The following MCF2L variants were observed in gnomAD, a reference collection of about 807,000 sequenced individuals.
MCF2L encodes guanine nucleotide exchange factor DBS.
A neutral mutation model predicts 153.4 loss-of-function variants in MCF2L; 97 were observed. That is an observed-to-expected ratio of 0.63 (90% CI 0.54 to 0.75). The LOEUF (loss-of-function observed/expected upper bound fraction) is 0.75. Ranked by LOEUF, MCF2L falls within the 30% of genes least tolerant of loss-of-function variation. MCF2L has a pLI of 0.00. For synonymous variants in MCF2L, 659 were observed against 632.2 expected, an observed-to-expected ratio of 1.04 and a Z score of -0.64; for missense variants, 1,347 against 1,495.2, an observed-to-expected ratio of 0.90 and a Z score of 1.64.
chr13:113,037,980 A>T (rs756429428), intron 3 of MCF2L, among the ~76,000 whole-genome samples: 2 of 152,234 alleles, frequency 1.3e-5, no homozygotes, highest in African/African-American at 2.4e-5. Context: ...TAGCAAGATC[A>T]ATGGGCAGGG....
Position 113,075,996 on chromosome 13 carries a change from C to G in MCF2L, c.1339C>G (p.Leu447Val), listed in dbSNP as rs2033433790. 11 of 1,612,370 alleles carry G rather than the reference C, an allele frequency of 6.8e-6. No homozygotes were observed. Among genetic ancestry groups the G allele is most frequent in the Non-Finnish European group, 9.3e-6 (11 of 1,179,392 alleles). ...GAAGTGGTGTGATGAAGGGATTTAC[C>G]TGCTGGCCTCACAACCTGTGGACAA... ...SMKWCDEGIY[L>V]LASQPVDKCQ... The change falls in exon 12 of 30, where the codon CTG becomes GTG. Residue 447 changes from leucine (L) to valine (V), a missense_variant. By Grantham distance (32) the Leu-to-Val change is conservative (BLOSUM62 1). Coordinates refer to ENST00000535094, the MANE Select transcript of MCF2L (RefSeq NM_001112732.3).
chr13:112,965,542 C>G (rs562816660), upstream of MCF2L: 4 of 152,262 alleles, frequency 2.6e-5, no homozygotes, highest in Non-Finnish European at 5.9e-5. Flanking sequence ...AATTTCCTCA[C>G]AGTCCTTTTC....
chr13:113,061,798 T>TCCCCTCCCTCTCC (rs1389817555), intron 5 of MCF2L, among the ~76,000 whole-genome samples: 1 of 12,510 alleles, frequency 8.0e-5, no homozygotes, highest in Non-Finnish European at 1.5e-4. Flanking sequence ...CCCCTTCCCC[T>TCCCCTCCCTCTCC]CCCTTCCCTC....
At chr13:112,895,772 C>T (rs902392569) in intron 1 of MCF2L, among the ~76,000 whole-genome samples, 9 of 152,170 alleles carry the variant, frequency 5.9e-5, no homozygotes, top group Non-Finnish European at 1.2e-4. Context: ...CTTCCCCATC[C>T]TGTGGGGCCG....
chr13:113,086,017 G>GA, intron 20 of MCF2L, 107 bp from the exon 21 acceptor site: 1 of 1,220,656 alleles, frequency 8.2e-7, no homozygotes, highest in Non-Finnish European at 1.1e-6. Flanking sequence ...CAGACCAGGG[G>GA]AGGGTGAGCA....
Position 112,924,880 on chromosome 13 carries a change from A to G in MCF2L, c.169+22509A>G, listed in dbSNP as rs756860837. Among the ~76,000 whole-genome samples, 27 of 151,974 alleles carry G rather than the reference A, an allele frequency of 1.8e-4. 1 individual carries two copies. The highest frequency in any genetic ancestry group is 3.5e-4 in the Non-Finnish European group (24 of 67,962). ...ATGGTGTGGATCCTGGCATAAGAAC[A>G]AGGACAGGTGAATGGAACAGAATAA... On this transcript the variant is annotated intron_variant, in intron 2 of 29. Coordinates refer to the MCF2L transcript ENST00000375608.
intron 20 of MCF2L, 122 bp downstream of exon 20, chr13:113,085,300 G>A: frequency 2.6e-6 from 2 of 776,692 alleles, no homozygotes; most frequent in Middle Eastern, 3.6e-4. Context: ...CCTCTTCCGA[G>A]CCTGTGCTGA....
chr13:112,995,583 G>A (rs1418888118), intron 1 of MCF2L, among the ~76,000 whole-genome samples: 1 of 152,230 alleles, frequency 6.6e-6, no homozygotes, highest in East Asian at 1.9e-4. Flanking sequence ...CTGCGGCGTT[G>A]TGGCTCCAAG....
At chr13:113,022,210 G>T (rs1229985481) in intron 2 of MCF2L, among the ~76,000 whole-genome samples, 1 of 152,062 alleles carries the variant, frequency 6.6e-6, no homozygotes, top group African/African-American at 2.4e-5. Flanking sequence ...CCACCTCTGT[G>T]TCCACCATCC....
At chr13:113,052,959 A>C (rs886083928) in intron 4 of MCF2L, among the ~76,000 whole-genome samples, 1 of 152,122 alleles carries the variant, frequency 6.6e-6, no homozygotes, top group African/African-American at 2.4e-5. Flanking sequence ...AGAGACATAC[A>C]TCACACAGGC....
chr13:113,042,521 G>A (rs2086563707), intron 3 of MCF2L: 1 of 152,246 alleles, frequency 6.6e-6, no homozygotes, highest in African/African-American at 2.4e-5. Flanking sequence ...AACGTAGAGT[G>A]AGTGGAAGCC....
At chr13:113,080,198 C>G (rs1385037784) in intron 15 of MCF2L, among the ~76,000 whole-genome samples, 1 of 142,668 alleles carries the variant, frequency 7.0e-6, no homozygotes, top group Non-Finnish European at 1.5e-5. Flanking sequence ...GGGGGGCATC[C>G]GCACAGAGGA....
intron 1 of MCF2L, among the ~76,000 whole-genome samples, chr13:113,013,995 G>A (rs2084343087): frequency 6.6e-6 from 1 of 150,510 alleles, no homozygotes; most frequent in African/African-American, 2.5e-5. Context: ...AGCTGGTGCT[G>A]GCCCCGTGCT....
At chr13:113,069,929 G>C in intron 8 of MCF2L, 130 bp from the exon 9 acceptor site, 1 of 578,800 alleles carries the variant, frequency 1.7e-6, no homozygotes, top group Non-Finnish European at 3.0e-6. Context: ...TGCAGGGAGT[G>C]AGCGGAGGCC....
rs1424735762 is a variant in MCF2L, at chr13:113,029,745, C to A, written c.278+4987C>A. ...CCAAGAGAGGGAGGGGAGCTTGGAC[C>A]TTTTCTTCCAGGAGATGGTGGACGA... On this transcript the variant is annotated intron_variant, in intron 3 of 29. Transcript: ENST00000535094. 3.3e-5 allele frequency among the ~76,000 whole-genome samples: 5 copies of A among 152,312 alleles called. No individual in the cohort carries two copies. The East Asian group carries it at 7.7e-4, about 24-fold the overall frequency.
intron 13 of MCF2L, 52 bp from the exon 14 acceptor site, chr13:113,078,311 T>C (rs2033722987): frequency 6.8e-7 from 1 of 1,461,444 alleles, no homozygotes. Context: ...GCACTTCCCC[T>C]CTCCAGAGGG....
At chr13:113,023,736 G>A (rs1272836995) in intron 2 of MCF2L, among the ~76,000 whole-genome samples, 1 of 152,188 alleles carries the variant, frequency 6.6e-6, no homozygotes, top group Admixed American at 6.5e-5. Context: ...CTCCACGCAC[G>A]GGGCACTGAC....
intron 1 of MCF2L, among the ~76,000 whole-genome samples, chr13:112,982,319 T>C (rs1174161644): frequency 6.6e-6 from 1 of 152,166 alleles, no homozygotes; most frequent in Non-Finnish European, 1.5e-5. Context: ...TTCTCCAAGA[T>C]GTTGGCCGTG....
chr13:113,078,773 C>T (rs537270888), intron 15 of MCF2L, 34 bp downstream of exon 15: 3 of 1,556,620 alleles, frequency 1.9e-6, no homozygotes, highest in South Asian at 2.3e-5. Flanking sequence ...TCACAGGGGC[C>T]CTCCGACCGC....
Sources: gnomAD v4.1 joint callset for allele counts (sites outside exome capture counted in the v4.1 genomes callset) on GRCh38, gnomAD v4.1.1 for gene constraint, MANE v1.5 for transcripts, NCBI Gene and HGNC (gene_info 2026-07-23, HGNC 2026-07-21) for gene names.